ERBB4: variants seen among roughly 807,000 people sequenced by gnomAD.
The protein encoded by ERBB4 is erb-b2 receptor tyrosine kinase 4, also known as receptor tyrosine-protein kinase erbB-4.
In ERBB4, 42 loss-of-function variants were observed where a neutral mutation model predicts 158.0. The observed-to-expected ratio is 0.27, with a 90% CI of 0.21 to 0.34. The LOEUF is 0.34. Ranked by LOEUF, ERBB4 falls within the 10% of genes least tolerant of loss-of-function variation. The pLI is 1.00. For missense variants in ERBB4, 1,333 were observed against 1,624.1 expected, an observed-to-expected ratio of 0.82 and a Z score of 3.08; for synonymous variants, 583 against 558.7, an observed-to-expected ratio of 1.04 and a Z score of -0.61.
At chr2:211,787,882 C>T (rs2076201177) in intron 4 of ERBB4, 143 bp downstream of exon 4, 1 of 712,044 alleles carries the variant, frequency 1.4e-6, no homozygotes, top group Non-Finnish European at 2.4e-6. Context: ...GTTGATCAGC[C>T]ATTTGTTCTG....
intron 2 of ERBB4, among the ~76,000 whole-genome samples, chr2:212,034,773 GA>G (rs148873570): frequency 0.013 from 1,924 of 152,114 alleles, 52 homozygotes; most frequent in African/African-American, 0.044. Context: ...GATACATTTA[GA>G]AACGTAAATG....
At chr2:211,646,074 G>C (rs1002705948) in intron 16 of ERBB4, among the ~76,000 whole-genome samples, 2 of 151,474 alleles carry the variant, frequency 1.3e-5, no homozygotes, top group African/African-American at 4.8e-5. Flanking sequence ...GATCTGGAAG[G>C]CTGTCCATAA....
chr2:211,770,027 T>C lies in ERBB4; in HGVS notation c.556+17998A>G, dbSNP rs995137699. Among the ~76,000 whole-genome samples, 15 of 152,226 alleles carry C rather than the reference T, an allele frequency of 9.9e-5. No individual in the cohort carries two copies. The East Asian group carries it at 2.7e-3, about 27-fold the overall frequency. ...ATATTAACCATCACAGATGAGTGTTTTACTTGGAGAAAATTTAACTCAGTT... is the reference window on the plus strand; with the variant it reads ...ATATTAACCATCACAGATGAGTGTTCTACTTGGAGAAAATTTAACTCAGTT... On this transcript the variant is annotated intron_variant, in intron 4 of 27. Coordinates refer to ENST00000342788, the MANE Select transcript of ERBB4 (RefSeq NM_005235.3).
At chr2:212,015,497 C>T (rs1340753404) in intron 2 of ERBB4, among the ~76,000 whole-genome samples, 1 of 152,058 alleles carries the variant, frequency 6.6e-6, no homozygotes. Flanking sequence ...AAATTTTGTG[C>T]CTGGGACCTG....
chr2:212,003,201 GAA>G (rs1559293707), intron 2 of ERBB4, among the ~76,000 whole-genome samples: 1 of 52,980 alleles, frequency 1.9e-5, no homozygotes, highest in Non-Finnish European at 5.2e-5. Flanking sequence ...AAGAAAGAAA[GAA>G]AGACAGAAAG....
chr2:211,753,989 C>G (rs2075216501), intron 4 of ERBB4, among the ~76,000 whole-genome samples: 1 of 151,516 alleles, frequency 6.6e-6, no homozygotes, highest in African/African-American at 2.4e-5. Flanking sequence ...TCCCGAGTAG[C>G]TGGGACTACA....
At chr2:212,109,395 T>C (rs1166768747) in intron 2 of ERBB4, among the ~76,000 whole-genome samples, 6 of 152,174 alleles carry the variant, frequency 3.9e-5, no homozygotes, top group Admixed American at 6.5e-5. Context: ...GCCACTCCCT[T>C]TTCTATGAGA....
intron 1 of ERBB4, among the ~76,000 whole-genome samples, chr2:212,188,792 C>G (rs1012049952): frequency 8.6e-5 from 13 of 151,834 alleles, no homozygotes; most frequent in African/African-American, 2.9e-4. Context: ...TGAATATTGT[C>G]TGACATAGTC....
intron 2 of ERBB4, among the ~76,000 whole-genome samples, chr2:212,044,371 A>C (rs926075742): frequency 6.6e-6 from 1 of 152,190 alleles, no homozygotes; most frequent in African/African-American, 2.4e-5. Context: ...ATATAAAAAA[A>C]CCAAAATCCT....
intron 1 of ERBB4, among the ~76,000 whole-genome samples, chr2:212,228,150 G>A (rs373826821): frequency 6.6e-6 from 1 of 152,044 alleles, no homozygotes. Context: ...TATATATAAA[G>A]CTAGAAAGCA....
At chr2:212,249,226 G>T (rs78578267) in intron 1 of ERBB4, among the ~76,000 whole-genome samples, 1 of 152,024 alleles carries the variant, frequency 6.6e-6, no homozygotes, top group African/African-American at 2.4e-5. Flanking sequence ...GCTCAGAAAA[G>T]CAAGGAAGGT....
At chr2:212,476,063 G>A (rs1173139473) in intron 1 of ERBB4, among the ~76,000 whole-genome samples, 1 of 151,596 alleles carries the variant, frequency 6.6e-6, no homozygotes, top group East Asian at 1.9e-4. Flanking sequence ...TACTTCCTCA[G>A]TGATGCCTGG....
At chr2:211,484,416 CA>C (rs750124045) in intron 20 of ERBB4, among the ~76,000 whole-genome samples, 1 of 151,992 alleles carries the variant, frequency 6.6e-6, no homozygotes, top group Non-Finnish European at 1.5e-5. Context: ...GATGAAAAGA[CA>C]GAGATTGTTA....
At chr2:212,509,371 T>G (rs1691378269) in intron 1 of ERBB4, among the ~76,000 whole-genome samples, 1 of 152,094 alleles carries the variant, frequency 6.6e-6, no homozygotes, top group Admixed American at 6.5e-5. Flanking sequence ...ACATAAGTGA[T>G]ACTAAGGTCT....
chr2:211,747,194 C>T (rs1406440758), intron 5 of ERBB4, among the ~76,000 whole-genome samples: 1 of 152,070 alleles, frequency 6.6e-6, no homozygotes, highest in Non-Finnish European at 1.5e-5. Context: ...AATTATCCAC[C>T]CATATTACAA....
rs976668775 is a variant in ERBB4, at chr2:211,585,119, G to A, written c.2302-23031C>T. On this transcript the variant is annotated intron_variant, in intron 19 of 27. Transcript: ENST00000342788. ...TGTAATCCCAGCACTTTAGGAGGCC[G>A]AGGCGGGCGGATCACGAAGTCAGGA... Among the ~76,000 whole-genome samples the A allele has an allele frequency of 2.6e-5, 4 of 152,170 alleles. No homozygotes were observed. In the East Asian group the frequency reaches 7.7e-4, roughly 29 times the overall value.
Position 212,126,768 on chromosome 2 carries a change from T to TA in ERBB4, c.83-1866dup, listed in dbSNP as rs1272751378. 1.3e-5 allele frequency among the ~76,000 whole-genome samples: 2 copies of TA among 152,112 alleles called. 1 individual carries two copies. Among genetic ancestry groups the TA allele is most frequent in the South Asian group, 4.2e-4 (2 of 4,810 alleles). On this transcript the variant is annotated intron_variant, in intron 1 of 27. Coordinates refer to ENST00000342788, the MANE Select transcript of ERBB4 (RefSeq NM_005235.3). ...CATTCATGTCTTATATACACAGAAG[T>TA]AAAAAAGATGCTATGATGCCTGATG...
intron 3 of ERBB4, among the ~76,000 whole-genome samples, chr2:211,901,849 T>A (rs564117701): frequency 2.4e-4 from 37 of 152,144 alleles, no homozygotes; most frequent in African/African-American, 8.4e-4. Flanking sequence ...TCAAAAAAAA[T>A]TTGCTTTTAC....
chr2:211,745,495 A>G (rs1184900386), intron 5 of ERBB4, among the ~76,000 whole-genome samples: 5 of 152,112 alleles, frequency 3.3e-5, no homozygotes, highest in Non-Finnish European at 7.3e-5. Flanking sequence ...TGTCCCAGCC[A>G]CCAGGTGTCA....
Sources: gnomAD v4.1 joint callset for allele counts (sites outside exome capture counted in the v4.1 genomes callset) on GRCh38, gnomAD v4.1.1 for gene constraint, MANE v1.5 for transcripts, NCBI Gene and HGNC (gene_info 2026-07-23, HGNC 2026-07-21) for gene names.